Variants in ACTR3C observed in about 807,000 individuals in gnomAD.
The protein encoded by ACTR3C is actin related protein 3C.
In ACTR3C, 18 loss-of-function variants were observed where a neutral mutation model predicts 26.3. The ratio of observed to expected loss-of-function variants is 0.68; its 90% CI spans 0.47 to 1.01. The LOEUF is 1.01. ACTR3C is among the 50% of genes least tolerant of loss of function. ACTR3C has a pLI of 0.00. For missense variants in ACTR3C, 184 were observed against 250.7 expected (o/e 0.73, Z 1.80); for synonymous variants, 55 against 94.5 (o/e 0.58, Z 2.42).
the ACTR3C span, among the ~76,000 whole-genome samples, chr7:150,150,502 G>A: frequency 6.8e-6 from 1 of 147,760 alleles, no homozygotes; most frequent in Non-Finnish European, 1.5e-5. Flanking sequence ...GGGTGTTAGG[G>A]GAGTGAGTGC....
the ACTR3C span, among the ~76,000 whole-genome samples, chr7:150,229,183 C>T: frequency 1.3e-5 from 2 of 151,602 alleles, no homozygotes; most frequent in Non-Finnish European, 2.9e-5. Flanking sequence ...TGTTCATTTT[C>T]CTGTTTTATT....
At chr7:149,886,865 TA>T in the ACTR3C span, among the ~76,000 whole-genome samples, 1 of 149,788 alleles carries the variant, frequency 6.7e-6, no homozygotes, top group African/African-American at 2.5e-5. Flanking sequence ...GAAGGCGAGG[TA>T]GGGGAAATAC....
chr7:150,033,152 G>A, the ACTR3C span, among the ~76,000 whole-genome samples: 2 of 152,152 alleles, frequency 1.3e-5, no homozygotes, highest in African/African-American at 4.8e-5. Flanking sequence ...GGGTAGATGA[G>A]TGTCCCCTCC....
intron 4 of ACTR3C, among the ~76,000 whole-genome samples, chr7:150,288,193 T>TG (rs1004397912): frequency 4.9e-5 from 7 of 142,574 alleles, no homozygotes; most frequent in Non-Finnish European, 7.5e-5. Flanking sequence ...CAGCCTTCAC[T>TG]GGGGGGAGAC....
At chr7:150,184,048 C>A in the ACTR3C span, among the ~76,000 whole-genome samples, 2 of 150,680 alleles carry the variant, frequency 1.3e-5, 1 homozygote, top group African/African-American at 5.0e-5. Flanking sequence ...GTCAATTAAA[C>A]TTCTTTTCTT....
the ACTR3C span, among the ~76,000 whole-genome samples, chr7:150,080,535 G>A: frequency 6.9e-6 from 1 of 145,560 alleles, no homozygotes; most frequent in South Asian, 2.1e-4. Context: ...GTATGTGTGT[G>A]TGTGTGTGTG....
chr7:150,085,715 G>T, the ACTR3C span, among the ~76,000 whole-genome samples: 1 of 152,126 alleles, frequency 6.6e-6, no homozygotes, highest in Non-Finnish European at 1.5e-5. Context: ...CAGAAGGAAT[G>T]AGTTTAATAA....
chr7:149,887,702 C>T, the ACTR3C span, among the ~76,000 whole-genome samples: 2 of 152,190 alleles, frequency 1.3e-5, no homozygotes, highest in African/African-American at 4.8e-5. Context: ...CTGGCCAAAC[C>T]CCATGATATG....
At chr7:150,068,931 G>A in the ACTR3C span, among the ~76,000 whole-genome samples, 12 of 152,256 alleles carry the variant, frequency 7.9e-5, 1 homozygote, top group South Asian at 2.1e-3. Flanking sequence ...TTCTCCAAAG[G>A]CTGTTGAGTT....
the ACTR3C span, among the ~76,000 whole-genome samples, chr7:150,196,666 A>G: frequency 6.6e-6 from 1 of 152,188 alleles, no homozygotes; most frequent in Non-Finnish European, 1.5e-5. Context: ...AGTTAGGTAA[A>G]CAGTTTTGCG....
At chr7:150,288,269 A>T (rs141872234) in intron 4 of ACTR3C, among the ~76,000 whole-genome samples, 1 of 150,224 alleles carries the variant, frequency 6.7e-6, no homozygotes, top group East Asian at 1.9e-4. Context: ...ACAGCCCGTG[A>T]GGAGAGTTGA....
At chr7:150,178,726 T>A in the ACTR3C span, among the ~76,000 whole-genome samples, 14 of 150,974 alleles carry the variant, frequency 9.3e-5, 1 homozygote, top group African/African-American at 3.5e-4. Flanking sequence ...CCAGCCAATG[T>A]TGACTGTGAG....
At chr7:149,903,627 G>T in the ACTR3C span, among the ~76,000 whole-genome samples, 2 of 151,518 alleles carry the variant, frequency 1.3e-5, no homozygotes, top group African/African-American at 2.4e-5. Context: ...CTCCAGCCTC[G>T]ATCTCCTGGG....
chr7:150,291,721 T>C (rs1255253207), intron 3 of ACTR3C, among the ~76,000 whole-genome samples: 2 of 151,888 alleles, frequency 1.3e-5, no homozygotes, highest in Non-Finnish European at 2.9e-5. Flanking sequence ...GCCAGGGGCC[T>C]ACGGGGGCCT....
At chr7:150,135,776 A>AGAAAGAAAGAAAGGAAACGAAAC in the ACTR3C span, among the ~76,000 whole-genome samples, 6 of 151,892 alleles carry the variant, frequency 4.0e-5, no homozygotes, top group Non-Finnish European at 7.4e-5. Flanking sequence ...AGAGAAAGAA[A>AGAAAGAAAGAAAGGAAACGAAAC]GAAAGAAAGA....
the ACTR3C span, among the ~76,000 whole-genome samples, chr7:149,985,250 A>ACC: frequency 5.4e-5 from 8 of 149,306 alleles, no homozygotes; most frequent in African/African-American, 1.7e-4. Flanking sequence ...ACACACACAC[A>ACC]CACACGAAAC....
the ACTR3C span, among the ~76,000 whole-genome samples, chr7:150,183,731 A>G: frequency 2.1e-5 from 3 of 145,876 alleles, no homozygotes; most frequent in African/African-American, 8.0e-5. Context: ...CTTATCTGTC[A>G]GAAACACCTG....
At chr7:150,166,456 T>C in the ACTR3C span, among the ~76,000 whole-genome samples, 1 of 150,938 alleles carries the variant, frequency 6.6e-6, no homozygotes, top group African/African-American at 2.5e-5. Flanking sequence ...CCCAGCACTT[T>C]GGGAGGCCGA....
the ACTR3C span, among the ~76,000 whole-genome samples, chr7:150,121,297 T>C: frequency 1.3e-5 from 2 of 152,234 alleles, no homozygotes; most frequent in Non-Finnish European, 2.9e-5. Context: ...ATTGTCTCTG[T>C]TTGCAGATGA....
Sources: gnomAD v4.1 joint callset for allele counts (sites outside exome capture counted in the v4.1 genomes callset) on GRCh38, gnomAD v4.1.1 for gene constraint, MANE v1.5 for transcripts, NCBI Gene and HGNC (gene_info 2026-07-23, HGNC 2026-07-21) for gene names.